The following CDC20B variants were observed in gnomAD, a reference collection of about 807,000 sequenced individuals.
CDC20B encodes the protein cell division cycle protein 20 homolog B.
Under a neutral mutation model 64.1 loss-of-function variants are expected in CDC20B, and 58 were observed. That is an observed-to-expected ratio of 0.90 (90% CI 0.73 to 1.13). CDC20B has a LOEUF of 1.13. Ranked by LOEUF, CDC20B falls within the 50% of genes most tolerant of loss-of-function variation. The pLI is 0.00. For missense variants in CDC20B, 597 were observed against 633.0 expected (o/e 0.94, Z 0.61); for synonymous variants, 243 against 230.6 (o/e 1.05, Z -0.49).
At chr5:55,158,445 T>C (rs894018310) in intron 2 of CDC20B, among the ~76,000 whole-genome samples, 1 of 152,236 alleles carries the variant, frequency 6.6e-6, no homozygotes, top group African/African-American at 2.4e-5. Context: ...TTTTCTACTG[T>C]ATCCATTCTT....
intron 2 of CDC20B, 105 bp downstream of exon 2, chr5:55,172,481 CAT>C: frequency 1.1e-6 from 1 of 895,364 alleles, no homozygotes; most frequent in Non-Finnish European, 1.8e-6. Flanking sequence ...CTAAAATTCT[CAT>C]ATTTTCAGAC....
Position 55,143,559 on chromosome 5 carries a change from T to A in CDC20B, c.440A>T (p.His147Leu). 1 of 1,611,538 alleles carries A rather than the reference T, an allele frequency of 6.2e-7. No homozygotes were observed. Among genetic ancestry groups the A allele is most frequent in the Non-Finnish European group, 8.5e-7 (1 of 1,178,468 alleles). The part of the protein sequence containing the change: ...NSALHFCKAP[H>L]AMDRDWKESV... The stretch of plus-strand genomic sequence containing the variant: ...TTCTTTCCAGTCTCTGTCCATTGCA[T>A]GAGGTGCCTTGCAAAAATGGAGAGC... Residue 147 changes from histidine to leucine, a missense_variant, in exon 4 of 12, where the codon CAT (histidine) becomes CTT (leucine). By Grantham distance (99) the His-to-Leu change is moderately conservative. Transcript: ENST00000381375.
chr5:55,117,193 G>A (rs1202125338), intron 11 of CDC20B, among the ~76,000 whole-genome samples: 2 of 152,124 alleles, frequency 1.3e-5, no homozygotes, highest in Non-Finnish European at 2.9e-5. Flanking sequence ...GAGTAGGTGG[G>A]AATAATCATA....
At chr5:55,115,661 C>T (rs1742606044) in intron 11 of CDC20B, among the ~76,000 whole-genome samples, 1 of 152,184 alleles carries the variant, frequency 6.6e-6, no homozygotes, top group Admixed American at 6.5e-5. Flanking sequence ...TGAAATCAAA[C>T]TAGATGGGTG....
intron 9 of CDC20B, among the ~76,000 whole-genome samples, chr5:55,124,440 G>A (rs957675329): frequency 2.0e-5 from 3 of 152,172 alleles, no homozygotes; most frequent in African/African-American, 7.2e-5. Context: ...AATGAAACCA[G>A]AGATAAGCAG....
intron 5 of CDC20B, among the ~76,000 whole-genome samples, chr5:55,138,789 T>C (rs974296965): frequency 1.4e-5 from 2 of 147,298 alleles, no homozygotes; most frequent in Non-Finnish European, 3.0e-5. Context: ...AAAAGTAGGA[T>C]AGCCAAAATA....
intron 3 of CDC20B, among the ~76,000 whole-genome samples, chr5:55,144,090 C>T (rs1325068415): frequency 6.6e-6 from 1 of 151,916 alleles, no homozygotes; most frequent in Non-Finnish European, 1.5e-5. Flanking sequence ...CTGGTTTGCC[C>T]GAGCTATGGT....
chr5:55,145,061 A>T (rs987408856), intron 3 of CDC20B, among the ~76,000 whole-genome samples: 8 of 152,198 alleles, frequency 5.3e-5, no homozygotes, highest in African/African-American at 1.9e-4. Flanking sequence ...ATACTTTTTT[A>T]AAAAATCAAT....
rs141008499 is a variant in CDC20B, at chr5:55,140,439, C to A, written c.487-32G>T. 3.1e-3 allele frequency: 4,444 copies of A among 1,449,744 alleles called. 17 individuals are homozygous for A. Among genetic ancestry groups the A allele is most frequent in the Admixed American group, 5.1e-3 (293 of 57,318 alleles). 89.8% of individuals were successfully genotyped at this position (1,449,744 alleles called of 1,614,324 possible). A position where few individuals can be genotyped will look rare whatever the true frequency, so the allele number is the denominator to read the frequency against. ...ATAAACACACATAAGGAGAATATTT[C>A]TTTAAAAACATACATGTACAACTAA... On this transcript the variant is annotated intron_variant, in intron 4 of 11. Transcript: ENST00000381375.
Position 55,173,015 on chromosome 5 carries a change from G to A in CDC20B, c.-15C>T. 1 of 1,605,950 alleles carries A rather than the reference G, an allele frequency of 6.2e-7. No individual in the cohort carries two copies. On this transcript the variant is annotated 5_prime_UTR_variant, in exon 1 of 12. Coordinates refer to ENST00000381375, the MANE Select transcript of CDC20B (RefSeq NM_001170402.1). ...TTCCACTCCATCTCCGGCTGACTTC[G>A]CCCTGCCTGGCGTTTGGCCTCTCTG... is the stretch of plus-strand genomic sequence containing the variant.
At chr5:55,156,317 T>C (rs1382164253) in intron 2 of CDC20B, among the ~76,000 whole-genome samples, 1 of 152,186 alleles carries the variant, frequency 6.6e-6, no homozygotes, top group Non-Finnish European at 1.5e-5. Flanking sequence ...CCAAACCATA[T>C]GACCCCTCCA....
At chr5:55,117,238 C>T (rs1382557446) in intron 11 of CDC20B, among the ~76,000 whole-genome samples, 1 of 152,030 alleles carries the variant, frequency 6.6e-6, no homozygotes, top group African/African-American at 2.4e-5. Flanking sequence ...TGGGTGAGGT[C>T]TCTTTAACTG....
At chr5:55,141,126 T>C (rs555760095) in intron 4 of CDC20B, among the ~76,000 whole-genome samples, 1 of 152,242 alleles carries the variant, frequency 6.6e-6, no homozygotes, top group Admixed American at 6.5e-5. Flanking sequence ...AAGAACACTT[T>C]GGGGGGCCGT....
intron 6 of CDC20B, 37 bp downstream of exon 6, chr5:55,133,375 T>C (rs1169315937): frequency 3.6e-6 from 4 of 1,125,778 alleles, no homozygotes; most frequent in Admixed American, 2.1e-5. Context: ...CATTTTGTCA[T>C]TTCAACTTTT....
intron 3 of CDC20B, among the ~76,000 whole-genome samples, chr5:55,144,363 T>G (rs958340541): frequency 6.6e-6 from 1 of 152,216 alleles, no homozygotes; most frequent in Non-Finnish European, 1.5e-5. Context: ...CCTGGAAACC[T>G]GTCAAGTCAT....
chr5:55,130,573 TC>T (rs1743005155), intron 6 of CDC20B, among the ~76,000 whole-genome samples: 1 of 152,078 alleles, frequency 6.6e-6, no homozygotes. Context: ...AAAAATCTCA[TC>T]AACTGGAAGA....
chr5:55,130,076 T>A (rs1229583664), intron 6 of CDC20B, among the ~76,000 whole-genome samples: 2 of 152,098 alleles, frequency 1.3e-5, no homozygotes, highest in African/African-American at 4.8e-5. Flanking sequence ...ATGAAATGAA[T>A]GAAAATTTAT....
At chr5:55,137,733 G>A (rs913470023) in intron 5 of CDC20B, 2 of 453,602 alleles carry the variant, frequency 4.4e-6, no homozygotes, top group Non-Finnish European at 8.9e-6. Flanking sequence ...CCTAAGTACA[G>A]CAAATGACTT....
intron 2 of CDC20B, among the ~76,000 whole-genome samples, chr5:55,163,786 A>G (rs10057543): frequency 0.14 from 21,675 of 149,632 alleles, 1,872 homozygotes; most frequent in East Asian, 0.26. Context: ...GGGATTACAG[A>G]CTGAGCCACG....
Sources: allele counts gnomAD v4.1 joint callset (sites outside exome capture counted in the v4.1 genomes callset), GRCh38; gene constraint gnomAD v4.1.1; transcripts MANE v1.5; gene names NCBI Gene and HGNC (gene_info 2026-07-23, HGNC 2026-07-21).